GPC5: variants seen among roughly 807,000 people sequenced by gnomAD.
The protein encoded by GPC5 is glypican 5, also known as glypican-5.
Under a neutral mutation model 53.9 loss-of-function variants are expected in GPC5, and 47 were observed. The observed-to-expected ratio is 0.87, with a 90% CI of 0.69 to 1.11. The LOEUF is 1.11. Among genes scored for constraint, GPC5 ranks in the 50% most tolerant of loss-of-function variants. The probability of loss-of-function intolerance (pLI) is 0.00; values close to 1 mark genes in which losing one functional copy is unlikely to be tolerated. For missense variants in GPC5, 748 were observed against 713.1 expected, an observed-to-expected ratio of 1.05 and a Z score of -0.56; for synonymous variants, 286 against 263.3, an observed-to-expected ratio of 1.09 and a Z score of -0.84.
intron 2 of GPC5, among the ~76,000 whole-genome samples, chr13:91,682,126 C>G (rs2035522318): frequency 6.6e-6 from 1 of 152,152 alleles, no homozygotes; most frequent in Admixed American, 6.5e-5. Context: ...GATCAAATCA[C>G]TTACACTCTC....
chr13:91,453,074 A>G (rs1881296961), intron 2 of GPC5, among the ~76,000 whole-genome samples: 1 of 151,824 alleles, frequency 6.6e-6, no homozygotes, highest in South Asian at 2.1e-4. Flanking sequence ...AACAAAAATT[A>G]TTTAACTTTT....
At chr13:92,836,503 G>A (rs1055330318) in intron 7 of GPC5, among the ~76,000 whole-genome samples, 1 of 151,948 alleles carries the variant, frequency 6.6e-6, no homozygotes, top group African/African-American at 2.4e-5. Context: ...ATTTAATTCT[G>A]TACCACTTGT....
chr13:92,298,979 T>G (rs915702729), intron 7 of GPC5, among the ~76,000 whole-genome samples: 1 of 152,356 alleles, frequency 6.6e-6, no homozygotes, highest in African/African-American at 2.4e-5. Context: ...AATAATTTTT[T>G]TGAATAGAAA....
intron 7 of GPC5, among the ~76,000 whole-genome samples, chr13:92,518,303 G>A (rs1880876904): frequency 6.6e-6 from 1 of 152,068 alleles, no homozygotes; most frequent in Non-Finnish European, 1.5e-5. Flanking sequence ...CTCAAGAAGA[G>A]CAACTCCAAG....
intron 7 of GPC5, among the ~76,000 whole-genome samples, chr13:92,598,013 T>C (rs534984238): frequency 2.0e-4 from 31 of 152,316 alleles, no homozygotes; most frequent in African/African-American, 7.5e-4. Context: ...AGTTATTCAC[T>C]TTATATATTG....
intron 2 of GPC5, among the ~76,000 whole-genome samples, chr13:91,458,194 G>A (rs939717478): frequency 5.9e-5 from 9 of 152,026 alleles, no homozygotes; most frequent in Non-Finnish European, 1.3e-4. Flanking sequence ...GTAAAGTAGA[G>A]GTGGGCCTCA....
chr13:91,688,679 T>C (rs1007121958), intron 2 of GPC5, among the ~76,000 whole-genome samples: 1 of 152,096 alleles, frequency 6.6e-6, no homozygotes, highest in African/African-American at 2.4e-5. Context: ...AATTTCGCCA[T>C]TGTGCAAATA....
At chr13:92,064,223 A>T (rs2041146810) in intron 6 of GPC5, among the ~76,000 whole-genome samples, 1 of 152,222 alleles carries the variant, frequency 6.6e-6, no homozygotes, top group African/African-American at 2.4e-5. Flanking sequence ...GTAATATATT[A>T]GGCTATTAAT....
chr13:91,844,743 A>G (rs1210252910), intron 5 of GPC5, among the ~76,000 whole-genome samples: 1 of 151,542 alleles, frequency 6.6e-6, no homozygotes, highest in Admixed American at 6.6e-5. Context: ...TTTTTTTTAG[A>G]CAGAGTCTCA....
intron 3 of GPC5, among the ~76,000 whole-genome samples, chr13:91,701,959 T>C (rs1320214806): frequency 6.6e-6 from 1 of 152,140 alleles, no homozygotes; most frequent in East Asian, 1.9e-4. Flanking sequence ...GAACACTTGT[T>C]ATTCTTTTGT....
intron 7 of GPC5, among the ~76,000 whole-genome samples, chr13:92,799,834 T>G (rs1876835144): frequency 6.6e-6 from 1 of 151,826 alleles, no homozygotes; most frequent in Admixed American, 6.6e-5. Context: ...TAGATAAATG[T>G]GCATCCAAAT....
intron 7 of GPC5, among the ~76,000 whole-genome samples, chr13:92,823,693 G>A (rs1252703930): frequency 6.6e-6 from 1 of 152,044 alleles, no homozygotes; most frequent in Non-Finnish European, 1.5e-5. Flanking sequence ...AAAATACAGT[G>A]AGATTAATAA....
At chr13:91,779,748 A>T (rs936758344) in intron 5 of GPC5, among the ~76,000 whole-genome samples, 1 of 152,164 alleles carries the variant, frequency 6.6e-6, no homozygotes, top group African/African-American at 2.4e-5. Context: ...GATCAATATC[A>T]GTGTCTTCTG....
chr13:91,725,177 G>A (rs539288668), intron 3 of GPC5: 1 of 152,336 alleles, frequency 6.6e-6, no homozygotes, highest in African/African-American at 2.4e-5. Flanking sequence ...AGGTGAGATG[G>A]GAACTTGAAA....
chr13:92,031,752 T>TATTACATATTATATATAATATATAA (rs1566403212), intron 6 of GPC5, among the ~76,000 whole-genome samples: 3 of 43,758 alleles, frequency 6.9e-5, no homozygotes, highest in African/African-American at 2.6e-4. Flanking sequence ...ATAATATATA[T>TATTACATATTATATATAATATATAA]TATATTACAT....
At chr13:92,404,002 AGTATT>A (rs1157148462) in intron 7 of GPC5, among the ~76,000 whole-genome samples, 2 of 152,194 alleles carry the variant, frequency 1.3e-5, no homozygotes, top group Non-Finnish European at 2.9e-5. Context: ...ATTAGTTAGC[AGTATT>A]GTATTACATA....
intron 7 of GPC5, among the ~76,000 whole-genome samples, chr13:92,581,676 C>T (rs571587487): frequency 4.1e-4 from 63 of 152,212 alleles, no homozygotes; most frequent in African/African-American, 1.4e-3. Context: ...CTCTACATTC[C>T]AACAAACAGT....
intron 5 of GPC5, among the ~76,000 whole-genome samples, chr13:91,791,883 AG>A (rs2037970817): frequency 6.6e-6 from 1 of 152,234 alleles, no homozygotes; most frequent in Non-Finnish European, 1.5e-5. Flanking sequence ...AGAATGTCAA[AG>A]GGAAAAATAA....
In GPC5 at chr13:91,756,062, T is replaced by C. The variant is rs1455405557; in HGVS notation, c.1155-233T>C. Among the ~76,000 whole-genome samples, 7 of 93,322 alleles carry C rather than the reference T, an allele frequency of 7.5e-5. No individual in the cohort carries two copies. In the East Asian group the frequency reaches 2.3e-3, roughly 30 times the overall value. The allele number at this position is 93,322 out of a possible 152,430, so 61.2% of individuals were successfully genotyped here. On this transcript the variant is annotated intron_variant, in intron 4 of 7. Coordinates refer to ENST00000377067, the MANE Select transcript of GPC5 (RefSeq NM_004466.6). ...TTATTCCAAGAATAAACTAAAATAC[T>C]AGCTTTTTTTTTGAAAAAAAAAAAA...
Sources: allele counts gnomAD v4.1 joint callset (sites outside exome capture counted in the v4.1 genomes callset), GRCh38; gene constraint gnomAD v4.1.1; transcripts MANE v1.5; gene names NCBI Gene and HGNC (gene_info 2026-07-23, HGNC 2026-07-21).